SLC37A3: variants seen among roughly 807,000 people sequenced by gnomAD.
SLC37A3 encodes solute carrier family 37 member 3.
Under a neutral mutation model 67.1 loss-of-function variants are expected in SLC37A3, and 51 were observed. The observed-to-expected ratio is 0.76, with a 90% CI of 0.61 to 0.96. The LOEUF (loss-of-function observed/expected upper bound fraction) is 0.96, where lower values mean the gene tolerates loss of function less well. SLC37A3 is among the 40% of genes least tolerant of loss of function. The probability of loss-of-function intolerance (pLI) is 0.00; values close to 1 mark genes in which losing one functional copy is unlikely to be tolerated. For synonymous variants in SLC37A3, 214 were observed against 231.4 expected (o/e 0.92, Z 0.68); for missense variants, 508 against 603.0 (o/e 0.84, Z 1.65).
rs767729208 is a variant in SLC37A3 at position 140,334,391 on chromosome 7, C to G, written c.*1021G>C. 2 of 152,278 alleles carry G rather than the reference C, an allele frequency of 1.3e-5. No homozygotes were observed. The highest frequency in any genetic ancestry group is 2.9e-5 in the Non-Finnish European group (2 of 68,012). The allele number at this position is 152,278 out of a possible 1,614,324, so 9.4% of individuals were successfully genotyped here. A position where few individuals can be genotyped will look rare whatever the true frequency, so the allele number is the denominator to read the frequency against. On this transcript the variant is annotated 3_prime_UTR_variant, in exon 15 of 15. Coordinates refer to ENST00000326232, the MANE Select transcript of SLC37A3 (RefSeq NM_207113.3). ...CCAATGGGTTTACTGGGACATAACC[C>G]CATCATAAGTCAAAGAGCATCTGTA...
intron 5 of SLC37A3, among the ~76,000 whole-genome samples, chr7:140,362,901 CG>C (rs1190488654): frequency 0.13 from 2,201 of 16,838 alleles, 497 homozygotes; most frequent in South Asian, 0.39. Flanking sequence ...GGGAGGGAGG[CG>C]GGGGGGGGGG....
At chr7:140,364,575 AAC>A (rs1245011489) in intron 4 of SLC37A3, 84 bp from the exon 5 acceptor site, 8 of 1,226,528 alleles carry the variant, frequency 6.5e-6, no homozygotes, top group Non-Finnish European at 8.2e-6. Flanking sequence ...AAATGAGACA[AAC>A]ACAGATATTA....
intron 13 of SLC37A3, among the ~76,000 whole-genome samples, chr7:140,339,774 T>C (rs1437752938): frequency 2.0e-5 from 3 of 151,442 alleles, no homozygotes; most frequent in African/African-American, 7.3e-5. Context: ...TCTCACTCTG[T>C]CACCCAGGCT....
Position 140,358,789 on chromosome 7 carries a change from G to A in SLC37A3, c.376-4C>T. 6.2e-7 allele frequency: 1 copy of A among 1,613,438 alleles called. No individual in the cohort carries two copies. Among genetic ancestry groups the A allele is most frequent in the Non-Finnish European group, 8.5e-7 (1 of 1,179,544 alleles). On this transcript the variant is annotated splice_polypyrimidine_tract_variant and splice_region_variant and intron_variant, in intron 5 of 14. Transcript: ENST00000326232. ...TGAGCGCACCAAAGACAAACACCTT[G>A]AAGAGGAGGAAACAAAAGGAATATG...
At chr7:140,335,637 A>G (rs973224341) in intron 14 of SLC37A3, 133 bp from the exon 15 acceptor site, 9 of 1,121,908 alleles carry the variant, frequency 8.0e-6, no homozygotes, top group African/African-American at 3.1e-5. Flanking sequence ...TTAATCTTCA[A>G]TGAATTAGAA....
intron 1 of SLC37A3, among the ~76,000 whole-genome samples, chr7:140,385,626 G>A (rs1454134168): frequency 6.6e-6 from 1 of 151,996 alleles, no homozygotes; most frequent in Non-Finnish European, 1.5e-5. Flanking sequence ...CATAACCTAG[G>A]GCTGTACAGT....
intron 3 of SLC37A3, among the ~76,000 whole-genome samples, chr7:140,378,520 G>A (rs1050650606): frequency 6.6e-6 from 1 of 151,944 alleles, no homozygotes; most frequent in African/African-American, 2.4e-5. Context: ...GGAGGATCAC[G>A]AGGTCAAGAG....
chr7:140,381,125 T>C (rs1798234728), intron 2 of SLC37A3, among the ~76,000 whole-genome samples: 1 of 150,688 alleles, frequency 6.6e-6, no homozygotes, highest in African/African-American at 2.4e-5. Flanking sequence ...CTCGAACTCC[T>C]GACCTCAGGT....
At chr7:140,348,114 G>A (rs1012887390) in intron 10 of SLC37A3, among the ~76,000 whole-genome samples, 4 of 152,054 alleles carry the variant, frequency 2.6e-5, no homozygotes, top group African/African-American at 9.7e-5. Flanking sequence ...CTTATTGTAC[G>A]GTATTAAGAG....
At chr7:140,353,283 G>A (rs1406587017) in intron 7 of SLC37A3, among the ~76,000 whole-genome samples, 1 of 152,028 alleles carries the variant, frequency 6.6e-6, no homozygotes, top group African/African-American at 2.4e-5. Flanking sequence ...AGGAGTTCAA[G>A]ACTAGCCTGG....
At chr7:140,397,058 G>A (rs1357419019) in intron 1 of SLC37A3, among the ~76,000 whole-genome samples, 2 of 150,420 alleles carry the variant, frequency 1.3e-5, no homozygotes, top group African/African-American at 4.9e-5. Flanking sequence ...AAATTAGCCT[G>A]GCGTGGTGGC....
chr7:140,367,347 G>A (rs1241950957), intron 4 of SLC37A3, among the ~76,000 whole-genome samples: 1 of 150,870 alleles, frequency 6.6e-6, no homozygotes, highest in Non-Finnish European at 1.5e-5. Context: ...TGAGGCAGGA[G>A]AATCACTGGA....
At chr7:140,344,852 A>G (rs939770683) in intron 12 of SLC37A3, among the ~76,000 whole-genome samples, 1 of 152,246 alleles carries the variant, frequency 6.6e-6, no homozygotes, top group African/African-American at 2.4e-5. Flanking sequence ...CAAAATGCTG[A>G]CCAATTCCAA....
chr7:140,359,615 C>G (rs1797185094), intron 5 of SLC37A3, among the ~76,000 whole-genome samples: 1 of 152,204 alleles, frequency 6.6e-6, no homozygotes, highest in Non-Finnish European at 1.5e-5. Context: ...TAGCAGCTTT[C>G]ATCAAGGGGC....
chr7:140,386,909 C>G (rs1379447309), intron 1 of SLC37A3: 1 of 152,098 alleles, frequency 6.6e-6, no homozygotes, highest in Non-Finnish European at 1.5e-5. Context: ...GTTGTAGACT[C>G]TATTAATGAA....
Position 140,335,262 on chromosome 7 carries a change from G to A in SLC37A3, c.*150C>T, listed in dbSNP as rs1322201905. Reference sequence around the variant, plus strand: ...AAAACTAGTGCAGCCTTCACTGCTGGTCAGCATCTCAGGTGGCTGGCAGTG... The same window carrying A: ...AAAACTAGTGCAGCCTTCACTGCTGATCAGCATCTCAGGTGGCTGGCAGTG... On this transcript the variant is annotated 3_prime_UTR_variant, in exon 15 of 15. Transcript: ENST00000326232. 6.2e-7 allele frequency: 1 copy of A among 1,613,918 alleles called. No individual in the cohort carries two copies. The highest frequency in any genetic ancestry group is 1.3e-5 in the African/African-American group (1 of 74,880).
chr7:140,372,647 GA>G (rs1279708670), intron 3 of SLC37A3, among the ~76,000 whole-genome samples: 2 of 152,136 alleles, frequency 1.3e-5, no homozygotes, highest in Middle Eastern at 3.2e-3. Context: ...CGGATCACTT[GA>G]AGTCAAAAGT....
chr7:140,397,179 G>C (rs553314395), intron 1 of SLC37A3, among the ~76,000 whole-genome samples: 146 of 141,188 alleles, frequency 1.0e-3, no homozygotes, highest in Middle Eastern at 3.7e-3. Flanking sequence ...CAGCCTGGGC[G>C]ACAAGAACAA....
In SLC37A3 at chr7:140,395,534, CCT is replaced by C. The variant is rs1798889969; in HGVS notation, c.-71+2880_-71+2881del. ...ACCACCCTGGCGAATATGGCGAAAC[CCT>C]GTCTCTACTAAAAACACAAAAATTG... On this transcript the variant is annotated intron_variant, in intron 1 of 14. Transcript: ENST00000326232. 2.0e-5 allele frequency among the ~76,000 whole-genome samples: 3 copies of C among 151,112 alleles called. No homozygotes were observed. The South Asian group carries it at 6.3e-4, about 32-fold the overall frequency.
Sources: allele counts gnomAD v4.1 joint callset (sites outside exome capture counted in the v4.1 genomes callset), GRCh38; gene constraint gnomAD v4.1.1; transcripts MANE v1.5; gene names NCBI Gene and HGNC (gene_info 2026-07-23, HGNC 2026-07-21).